NTSR1: variants seen among roughly 807,000 people sequenced by gnomAD.
NTSR1 encodes neurotensin receptor 1, also known as neurotensin receptor type 1.
NTSR1 carries 29 observed loss-of-function variants against 31.2 expected under a neutral mutation model. That is an observed-to-expected ratio of 0.93 (90% CI 0.69 to 1.27). The LOEUF (loss-of-function observed/expected upper bound fraction) is 1.27. Ranked by LOEUF, NTSR1 falls within the 50% of genes most tolerant of loss-of-function variation. The probability of loss-of-function intolerance (pLI) is 0.00; values close to 1 mark genes in which losing one functional copy is unlikely to be tolerated. For missense variants in NTSR1, 697 were observed against 595.4 expected, an observed-to-expected ratio of 1.17 and a Z score of -1.78; for synonymous variants, 282 against 269.9, an observed-to-expected ratio of 1.04 and a Z score of -0.44.
intron 1 of NTSR1, among the ~76,000 whole-genome samples, chr20:62,750,760 G>A (rs986868454): frequency 6.0e-5 from 9 of 150,816 alleles, no homozygotes; most frequent in African/African-American, 1.7e-4. Context: ...TAAATCTTGT[G>A]TTCCCACCAT....
At chr20:62,718,689 C>A (rs1414849612) in intron 1 of NTSR1, among the ~76,000 whole-genome samples, 1 of 152,198 alleles carries the variant, frequency 6.6e-6, no homozygotes, top group Non-Finnish European at 1.5e-5. Flanking sequence ...CTGTTGCCTG[C>A]ATTGACCAGG....
chr20:62,739,887 G>C (rs947869566), intron 1 of NTSR1, among the ~76,000 whole-genome samples: 1 of 152,248 alleles, frequency 6.6e-6, no homozygotes, highest in African/African-American at 2.4e-5. Context: ...CTGTCCCGCA[G>C]GCAACTGGGA....
chr20:62,737,656 T>C lies in NTSR1; in HGVS notation c.715-17029T>C, dbSNP rs1318299499. On this transcript the variant is annotated intron_variant, in intron 1 of 3. Transcript: ENST00000370501. ...GCTGCGATCCTCCTTCCTTCCCACC[T>C]GCTCTCGTCCCCACATCTGCCCATC... Among the ~76,000 whole-genome samples, 4 of 152,186 alleles carry C rather than the reference T, an allele frequency of 2.6e-5. No homozygotes were observed. The East Asian group carries it at 7.7e-4, about 29-fold the overall frequency.
rs1055464212 is a variant in NTSR1 at position 62,714,710 on chromosome 20, A to G, written c.714+4789A>G. Among the ~76,000 whole-genome samples, 3 of 152,222 alleles carry G rather than the reference A, an allele frequency of 2.0e-5. No homozygotes were observed. Among genetic ancestry groups the G allele is most frequent in the African/African-American group, 7.2e-5 (3 of 41,456 alleles). On this transcript the variant is annotated intron_variant, in intron 1 of 3. Transcript: ENST00000370501. This position sits in a 1 kb window ranked among gnomAD's most constrained non-coding sequence, Gnocchi z 4.1. ...TGCAGCCAGCAAAACCCAGACCACA[A>G]GAAACAGCTCCAAATAAACAACTCG... is the stretch of plus-strand genomic sequence containing the variant.
chr20:62,721,282 T>C (rs1988823819), intron 1 of NTSR1, among the ~76,000 whole-genome samples: 1 of 152,256 alleles, frequency 6.6e-6, no homozygotes, highest in Non-Finnish European at 1.5e-5. Flanking sequence ...TAATGCCTGC[T>C]TTAAAGTCTT....
intron 3 of NTSR1, among the ~76,000 whole-genome samples, chr20:62,759,664 A>G (rs574878042): frequency 1.8e-3 from 269 of 151,688 alleles, no homozygotes; most frequent in African/African-American, 6.3e-3. Flanking sequence ...AGTCCCAGCT[A>G]CTCGGGAGGC....
rs762257928 is a variant in NTSR1 at position 62,760,099 on chromosome 20, G to T, written c.1089G>T (p.Leu363=). 1 of 1,614,098 alleles carries T rather than the reference G, an allele frequency of 6.2e-7. No homozygotes were observed. Among genetic ancestry groups the T allele is most frequent in the South Asian group, 1.1e-5 (1 of 91,086 alleles). ...TCAGCTCCACCATCAACCCCATCCT[G>T]TACAACCTCGTCTCTGCCAACTTCC... ...FYVSSTINPI[L]YNLVSANFRH... is the part of the protein sequence containing the mutation. Residue 363 remains leucine, a synonymous_variant, in exon 4 of 4, where the codon CTG becomes CTT. Coordinates refer to ENST00000370501, the MANE Select transcript of NTSR1 (RefSeq NM_002531.3).
chr20:62,722,502 GA>G (rs779941945), intron 1 of NTSR1, among the ~76,000 whole-genome samples: 3 of 152,216 alleles, frequency 2.0e-5, no homozygotes, highest in Non-Finnish European at 4.4e-5. Flanking sequence ...GATCCCACAG[GA>G]AAGCCGGTGT....
chr20:62,718,645 G>A (rs976730672), intron 1 of NTSR1, among the ~76,000 whole-genome samples: 1 of 150,744 alleles, frequency 6.6e-6, no homozygotes, highest in African/African-American at 2.4e-5. Flanking sequence ...GTGGCCTCTC[G>A]AGCCGGCCTT....
At chr20:62,752,039 C>G (rs904974776) in intron 1 of NTSR1, among the ~76,000 whole-genome samples, 1 of 152,246 alleles carries the variant, frequency 6.6e-6, no homozygotes, top group Non-Finnish European at 1.5e-5. Context: ...AAGAGCCTTT[C>G]TGGCCATTCT....
Position 62,714,489 on chromosome 20 carries a change from T to C in NTSR1, c.714+4568T>C, listed in dbSNP as rs2147131734. ...ATCAGGTGCAATCCTCATAAATCAA[T>C]GGATGTAGGCATGGATTCTTGACAG... On this transcript the variant is annotated intron_variant, in intron 1 of 3. Coordinates refer to ENST00000370501, the MANE Select transcript of NTSR1 (RefSeq NM_002531.3). The surrounding 1 kb of genome is among the most constrained non-coding windows in gnomAD (Gnocchi z 4.1). Among the ~76,000 whole-genome samples, 1 of 152,264 alleles carries C rather than the reference T, an allele frequency of 6.6e-6. No homozygotes were observed. Among genetic ancestry groups the C allele is most frequent in the African/African-American group, 2.4e-5 (1 of 41,556 alleles).
At chr20:62,746,063 C>T (rs532153822) in intron 1 of NTSR1, among the ~76,000 whole-genome samples, 10 of 152,338 alleles carry the variant, frequency 6.6e-5, no homozygotes, top group African/African-American at 1.7e-4. Flanking sequence ...GGTAGACGCT[C>T]AGCCTGGGCA....
chr20:62,739,177 C>T (rs113122261), intron 1 of NTSR1, among the ~76,000 whole-genome samples: 4,707 of 152,284 alleles, frequency 0.031, 161 homozygotes, highest in African/African-American at 0.087. Context: ...GGCTGAGAGG[C>T]TCTCCAGGAC....
chr20:62,718,430 A>G (rs1251114300), intron 1 of NTSR1, among the ~76,000 whole-genome samples: 2 of 152,276 alleles, frequency 1.3e-5, no homozygotes, highest in African/African-American at 4.8e-5. Flanking sequence ...ACTGACAGGC[A>G]ATAAGATTCC....
intron 1 of NTSR1, among the ~76,000 whole-genome samples, chr20:62,724,163 G>A (rs941625293): frequency 3.3e-5 from 5 of 152,218 alleles, no homozygotes; most frequent in South Asian, 2.1e-4. Context: ...CAGGGGACCC[G>A]AGCCATGACC....
At chr20:62,719,735 C>T (rs1031128110) in intron 1 of NTSR1, among the ~76,000 whole-genome samples, 1 of 152,142 alleles carries the variant, frequency 6.6e-6, no homozygotes, top group African/African-American at 2.4e-5. Context: ...CTCATTTCGT[C>T]GTGTATTAGC....
intron 1 of NTSR1, among the ~76,000 whole-genome samples, chr20:62,750,840 A>G (rs1381665506): frequency 6.6e-6 from 1 of 152,150 alleles, no homozygotes; most frequent in African/African-American, 2.4e-5. Context: ...TTCACAATGT[A>G]TACATAGATG....
At position 62,709,831 on chromosome 20, in the gene NTSR1, C is replaced by T; in HGVS notation, c.624C>T (p.Gly208=). 5 of 1,612,036 alleles carry T rather than the reference C, an allele frequency of 3.1e-6. No homozygotes were observed. The highest frequency in any genetic ancestry group is 4.2e-6 in the Non-Finnish European group (5 of 1,179,440). Residue 208 remains glycine, a synonymous_variant, in exon 1 of 4, where the codon GGC becomes GGT. Transcript: ENST00000370501. Reference sequence around the variant, plus strand: ...CGGTGCCTATGCTGTTCACCATGGGCGAGCAGAACCGCAGCGCCGACGGCC... The same window carrying T: ...CGGTGCCTATGCTGTTCACCATGGGTGAGCAGAACCGCAGCGCCGACGGCC... ...LLAVPMLFTM[G]EQNRSADGQH...
Position 62,709,140 on chromosome 20 carries a change from G to A in NTSR1, c.-68G>A, listed in dbSNP as rs1988536053. On this transcript the variant is annotated 5_prime_UTR_variant, in exon 1 of 4. Coordinates refer to ENST00000370501, the MANE Select transcript of NTSR1 (RefSeq NM_002531.3). ...CCGTTCATCGGTCCCCGCCTGAGAC[G>A]CGCCCACTCCTGCCCGGACTTCCAG... 1.6e-6 allele frequency: 2 copies of A among 1,247,996 alleles called. No homozygotes were observed. The highest frequency in any genetic ancestry group is 2.1e-6 in the Non-Finnish European group (2 of 960,970). The allele number at this position is 1,247,996 out of a possible 1,614,324, so 77.3% of individuals were successfully genotyped here.
Sources: allele counts gnomAD v4.1 joint callset (sites outside exome capture counted in the v4.1 genomes callset), GRCh38; gene constraint gnomAD v4.1.1; non-coding constraint Gnocchi (gnomAD v3.1); transcripts MANE v1.5; gene names NCBI Gene and HGNC (gene_info 2026-07-23, HGNC 2026-07-21).